HIGD2A: variants seen among roughly 807,000 people sequenced by gnomAD.
HIGD2A encodes HIG1 hypoxia inducible domain family member 2A, also known as HIG1 domain family member 2A, mitochondrial.
Under a neutral mutation model 6.3 loss-of-function variants are expected in HIGD2A, and 4 were observed. The ratio of observed to expected loss-of-function variants is 0.64; its 90% CI spans 0.31 to 1.46. HIGD2A has a LOEUF of 1.46. Ranked by LOEUF, HIGD2A falls within the 40% of genes most tolerant of loss-of-function variation. The pLI is 0.07. For missense variants in HIGD2A, 143 were observed against 144.8 expected (o/e 0.99, Z 0.06); for synonymous variants, 63 against 59.3 (o/e 1.06, Z -0.29).
Position 176,389,377 on chromosome 5 carries a change from C to A in HIGD2A, c.201C>A (p.Phe67Leu). 6.2e-7 allele frequency: 1 copy of A among 1,614,120 alleles called. No homozygotes were observed. Among genetic ancestry groups the A allele is most frequent in the Non-Finnish European group, 8.5e-7 (1 of 1,180,016 alleles). Reference sequence around the variant, plus strand: ...CCCTCACCTACGGCCTCTACTCCTTCCACCGGGGCAACAGCCAGCGCTCTC... The same window carrying A: ...CCCTCACCTACGGCCTCTACTCCTTACACCGGGGCAACAGCCAGCGCTCTC... ...AAALTYGLYS[F>L]HRGNSQRSQL... Residue 67 changes from phenylalanine (F) to leucine (L), a missense_variant, in exon 2 of 2, where the codon TTC becomes TTA. Transcript: ENST00000274787.
At chr5:176,388,998 A>C in intron 1 of HIGD2A, 25 bp downstream of exon 1, 1 of 1,613,364 alleles carries the variant, frequency 6.2e-7, no homozygotes. Context: ...TAGGAACTGC[A>C]CAAGGAGAGG....
chr5:176,388,981 G>C lies in HIGD2A; in HGVS notation c.154+8G>C, dbSNP rs369360053. ...ACCCGGTGGTACCCATAGGTAAGTG[G>C]GTGCGGTAGGAACTGCACAAGGAGA... On this transcript the variant is annotated splice_region_variant and intron_variant, in intron 1 of 1. Transcript: ENST00000274787. 8.1e-6 allele frequency: 13 copies of C among 1,613,776 alleles called. No homozygotes were observed. The highest frequency in any genetic ancestry group is 1.0e-5 in the Non-Finnish European group (12 of 1,179,952).
Position 176,389,649 on chromosome 5 carries a change from A to T in HIGD2A, c.*152A>T. Reference sequence around the variant, plus strand: ...GACCCTTTGTGTAACTGTAACCGAAAGTTTTTTCAAAAATCCTAGATGCTG... The same window carrying T: ...GACCCTTTGTGTAACTGTAACCGAATGTTTTTTCAAAAATCCTAGATGCTG... On this transcript the variant is annotated 3_prime_UTR_variant, in exon 2 of 2. Coordinates refer to ENST00000274787, the MANE Select transcript of HIGD2A (RefSeq NM_138820.4). 1 of 772,040 alleles carries T rather than the reference A, an allele frequency of 1.3e-6. No homozygotes were observed. The highest frequency in any genetic ancestry group is 2.0e-6 in the Non-Finnish European group (1 of 504,664). 47.8% of individuals were successfully genotyped at this position (772,040 alleles called of 1,614,324 possible).
rs777787886 is a variant in HIGD2A at position 176,388,959 on chromosome 5, CG to C, written c.142del (p.Val48TrpfsTer4). 11 of 1,613,986 alleles carry C rather than the reference CG, an allele frequency of 6.8e-6. No homozygotes were observed. The Admixed American group carries it at 1.8e-4, about 27-fold the overall frequency. ...TTCGTTCGCAAGACCCGCGAGAACC[CG>C]GTGGTACCCATAGGTAAGTGGGTGC... ...EKFVRKTREN[P>X]VVPIGCLATA... On this transcript the variant is annotated frameshift_variant, in exon 1 of 2. Transcript: ENST00000274787. LOFTEE classifies it high-confidence loss of function.
Position 176,389,625 on chromosome 5 carries a change from A to AC in HIGD2A, c.*131dup. ...CCCATGTGTCGCTGGGGAGGAAGTG[A>AC]CCCTTTGTGTAACTGTAACCGAAAG... On this transcript the variant is annotated 3_prime_UTR_variant, in exon 2 of 2. Transcript: ENST00000274787. The AC allele has an allele frequency of 9.7e-7, 1 of 1,034,046 alleles. No homozygotes were observed. Among genetic ancestry groups the AC allele is most frequent in the Non-Finnish European group, 1.4e-6 (1 of 723,562 alleles). 64.1% of individuals were successfully genotyped at this position (1,034,046 alleles called of 1,614,324 possible).
chr5:176,389,529 A>G lies in HIGD2A; in HGVS notation c.*32A>G, dbSNP rs891034050. 11 of 1,584,092 alleles carry G rather than the reference A, an allele frequency of 6.9e-6. No homozygotes were observed. Among genetic ancestry groups the G allele is most frequent in the African/African-American group, 1.3e-5 (1 of 74,218 alleles). ...GGTCTGGCCTTGAAAGCTCCGCAGA[A>G]ATGATTCCAAAACCCAGGGAGCAAC... On this transcript the variant is annotated 3_prime_UTR_variant, in exon 2 of 2. Coordinates refer to ENST00000274787, the MANE Select transcript of HIGD2A (RefSeq NM_138820.4).
Position 176,388,793 on chromosome 5 carries a change from A to T in HIGD2A, c.-27A>T, listed in dbSNP as rs374741504. On this transcript the variant is annotated 5_prime_UTR_variant, in exon 1 of 2. Coordinates refer to ENST00000274787, the MANE Select transcript of HIGD2A (RefSeq NM_138820.4). Reference sequence around the variant, plus strand: ...CCGGGAGGCTGAGGTCGGAGTCCCGATTTTCTCCTGCTGCTGTGGCCCGGA... The same window carrying T: ...CCGGGAGGCTGAGGTCGGAGTCCCGTTTTTCTCCTGCTGCTGTGGCCCGGA... 4.4e-6 allele frequency: 7 copies of T among 1,605,182 alleles called. No homozygotes were observed. The highest frequency in any genetic ancestry group is 1.8e-4 in the Middle Eastern group (1 of 5,714).
chr5:176,389,290 G>T, intron 1 of HIGD2A, 41 bp from the exon 2 acceptor site: 1 of 1,586,440 alleles, frequency 6.3e-7, no homozygotes, highest in Non-Finnish European at 8.6e-7. Context: ...GACCTGCGGG[G>T]CCCGACCTGC....
rs774117788 is a variant in HIGD2A at position 176,389,320 on chromosome 5, C to T, written c.155-11C>T. 6.2e-7 allele frequency: 1 copy of T among 1,610,310 alleles called. No homozygotes were observed. The highest frequency in any genetic ancestry group is 1.1e-5 in the South Asian group (1 of 90,762). Reference sequence around the variant, plus strand: ...ACCTGCTGTTTCCCAGTTGCTTTGTCCCCTCCTCAGGTTGCCTGGCCACGG... The same window carrying T: ...ACCTGCTGTTTCCCAGTTGCTTTGTTCCCTCCTCAGGTTGCCTGGCCACGG... On this transcript the variant is annotated splice_polypyrimidine_tract_variant and intron_variant, in intron 1 of 1. Transcript: ENST00000274787.
At position 176,389,337 on chromosome 5, in the gene HIGD2A, T is replaced by TGGCCACGGCGGCCGCCC. The variant is rs1756164613; in HGVS notation, c.162_178dup (p.Leu60ArgfsTer25). On this transcript the variant is annotated frameshift_variant, in exon 2 of 2. Transcript: ENST00000274787. LOFTEE classifies it high-confidence loss of function. ...TGCTTTGTCCCCTCCTCAGGTTGCCTGGCCACGGCGGCCGCCCTCACCTAC... is the reference window on the plus strand; with the variant it reads ...TGCTTTGTCCCCTCCTCAGGTTGCCTGGCCACGGCGGCCGCCCGGCCACGGCGGCCGCCCTCACCTAC... The TGGCCACGGCGGCCGCCC allele has an allele frequency of 6.2e-7, 1 of 1,613,120 alleles. No individual in the cohort carries two copies. The highest frequency in any genetic ancestry group is 2.2e-5 in the East Asian group (1 of 44,870).
intron 1 of HIGD2A, 119 bp downstream of exon 1, chr5:176,389,092 G>C (rs1756146917): frequency 2.9e-6 from 4 of 1,359,334 alleles, no homozygotes; most frequent in Admixed American, 3.9e-5. Context: ...GAAGAGACGA[G>C]GGGGCGGGGC....
In HIGD2A at chr5:176,388,780, G is replaced by C; in HGVS notation, c.-40G>C. 1.2e-6 allele frequency: 2 copies of C among 1,601,728 alleles called. No individual in the cohort carries two copies. The highest frequency in any genetic ancestry group is 1.7e-6 in the Non-Finnish European group (2 of 1,174,316). ...TTCATGACCTTCACCGGGAGGCTGA[G>C]GTCGGAGTCCCGATTTTCTCCTGCT... On this transcript the variant is annotated 5_prime_UTR_variant, in exon 1 of 2. Coordinates refer to ENST00000274787, the MANE Select transcript of HIGD2A (RefSeq NM_138820.4).
chr5:176,389,106 G>A, intron 1 of HIGD2A, 133 bp downstream of exon 1: 1 of 1,266,880 alleles, frequency 7.9e-7, no homozygotes, highest in South Asian at 1.4e-5. Context: ...GCGGGGCGGT[G>A]AGGGGCGAAA....
At position 176,389,420 on chromosome 5, in the gene HIGD2A, C is replaced by T. The variant is rs899892391; in HGVS notation, c.244C>T (p.Arg82Trp). Reference protein sequence around the residue: ...SQRSQLMMRTRIAAQGFTVAA... With the variant: ...SQRSQLMMRTWIAAQGFTVAA... Reference sequence around the variant, plus strand: ...GCGCTCTCAGCTCATGATGCGCACCCGGATCGCCGCCCAGGGTTTCACGGT... The same window carrying T: ...GCGCTCTCAGCTCATGATGCGCACCTGGATCGCCGCCCAGGGTTTCACGGT... The change falls in exon 2 of 2, where the codon CGG (arginine) becomes TGG (tryptophan). Residue 82 changes from arginine (R) to tryptophan (W), a missense_variant. Arg to Trp is a moderately radical substitution (Grantham distance 101). Coordinates refer to ENST00000274787, the MANE Select transcript of HIGD2A (RefSeq NM_138820.4). 1 of 1,614,066 alleles carries T rather than the reference C, an allele frequency of 6.2e-7. No homozygotes were observed. The highest frequency in any genetic ancestry group is 1.3e-5 in the African/African-American group (1 of 74,920).
chr5:176,389,122 T>A (rs1747299149), intron 1 of HIGD2A, 149 bp downstream of exon 1: 1 of 1,178,086 alleles, frequency 8.5e-7, no homozygotes, highest in Admixed American at 2.2e-5. Flanking sequence ...CGAAACTGAT[T>A]GGAGCGGGAG....
At position 176,388,782 on chromosome 5, in the gene HIGD2A, T is replaced by C. The variant is rs761707422; in HGVS notation, c.-38T>C. 4 of 1,601,910 alleles carry C rather than the reference T, an allele frequency of 2.5e-6. No homozygotes were observed. The highest frequency in any genetic ancestry group is 4.5e-5 in the East Asian group (2 of 44,762). Reference sequence around the variant, plus strand: ...CATGACCTTCACCGGGAGGCTGAGGTCGGAGTCCCGATTTTCTCCTGCTGC... The same window carrying C: ...CATGACCTTCACCGGGAGGCTGAGGCCGGAGTCCCGATTTTCTCCTGCTGC... On this transcript the variant is annotated 5_prime_UTR_variant, in exon 1 of 2. Coordinates refer to ENST00000274787, the MANE Select transcript of HIGD2A (RefSeq NM_138820.4).
Position 176,388,956 on chromosome 5 carries a change from ACCCGGTGGTAC to A in HIGD2A, c.140_150del (p.Pro47HisfsTer90). ...AAGTTCGTTCGCAAGACCCGCGAGA[ACCCGGTGGTAC>A]CCATAGGTAAGTGGGTGCGGTAGGA... On this transcript the variant is annotated frameshift_variant, in exon 1 of 2. Coordinates refer to ENST00000274787, the MANE Select transcript of HIGD2A (RefSeq NM_138820.4). LOFTEE classifies it high-confidence loss of function. The A allele has an allele frequency of 6.2e-7, 1 of 1,614,122 alleles. No homozygotes were observed. Among genetic ancestry groups the A allele is most frequent in the Non-Finnish European group, 8.5e-7 (1 of 1,180,034 alleles).
intron 1 of HIGD2A, 103 bp from the exon 2 acceptor site, chr5:176,389,228 G>A (rs1310937243): frequency 1.4e-6 from 2 of 1,385,530 alleles, no homozygotes; most frequent in Non-Finnish European, 2.0e-6. Flanking sequence ...CCCTCCCTCC[G>A]CTGTGATCCA....
At chr5:176,389,291 C>T in intron 1 of HIGD2A, 40 bp from the exon 2 acceptor site, 1 of 1,587,018 alleles carries the variant, frequency 6.3e-7, no homozygotes, top group Non-Finnish European at 8.6e-7. Context: ...ACCTGCGGGG[C>T]CCGACCTGCT....
Sources: gnomAD v4.1 joint callset for allele counts on GRCh38, gnomAD v4.1.1 for gene constraint, MANE v1.5 for transcripts, NCBI Gene and HGNC (gene_info 2026-07-23, HGNC 2026-07-21) for gene names.